Variants in CRACDL observed in about 807,000 individuals in gnomAD.
CRACDL encodes CRACD like, also known as CRACD-like protein.
In CRACDL, 26 loss-of-function variants were observed where a neutral mutation model predicts 70.6. That is an observed-to-expected ratio of 0.37 (90% CI 0.27 to 0.51). The LOEUF is 0.51. Among genes scored for constraint, CRACDL ranks in the 20% least tolerant of loss-of-function variants. The pLI is 0.94. For missense variants in CRACDL, 1,283 were observed against 1,376.9 expected (o/e 0.93, Z 1.08); for synonymous variants, 618 against 615.2 (o/e 1.00, Z -0.07).
In CRACDL at chr2:98,861,434, C is replaced by T. The variant is rs149916487; in HGVS notation, c.-10-14624G>A. On this transcript the variant is annotated intron_variant, in intron 1 of 9. Transcript: ENST00000397899. Reference sequence around the variant, plus strand: ...AATAAAAGAGATAGATAATAACAAGCGTTGCAAGGATGTGAGGAAACTGGA... The same window carrying T: ...AATAAAAGAGATAGATAATAACAAGTGTTGCAAGGATGTGAGGAAACTGGA... 2.8e-3 allele frequency among the ~76,000 whole-genome samples: 428 copies of T among 152,200 alleles called. 3 individuals are homozygous for T. The highest frequency in any genetic ancestry group is 1.0e-2 in the African/African-American group (415 of 41,532).
At chr2:98,923,266 G>A (rs1469513224) in intron 1 of CRACDL, among the ~76,000 whole-genome samples, 2 of 141,448 alleles carry the variant, frequency 1.4e-5, no homozygotes, top group Non-Finnish European at 3.0e-5. Context: ...GTGAGACACT[G>A]TCTCAAAAAA....
chr2:98,922,533 C>T (rs1440129167), intron 1 of CRACDL, among the ~76,000 whole-genome samples: 1 of 152,234 alleles, frequency 6.6e-6, no homozygotes, highest in Non-Finnish European at 1.5e-5. Flanking sequence ...TGGCACTGTG[C>T]CCCCTGTGCC....
intron 7 of CRACDL, among the ~76,000 whole-genome samples, chr2:98,819,341 C>G (rs762486638): frequency 1.3e-4 from 20 of 152,184 alleles, no homozygotes; most frequent in African/African-American, 4.8e-5. Flanking sequence ...ATTTTCAATT[C>G]TAGGCCATGA....
At chr2:98,829,286 A>G (rs1372373357) in intron 5 of CRACDL, among the ~76,000 whole-genome samples, 2 of 152,244 alleles carry the variant, frequency 1.3e-5, no homozygotes, top group Non-Finnish European at 2.9e-5. Flanking sequence ...GGACCTTGGC[A>G]TGGAGCTTAA....
intron 6 of CRACDL, among the ~76,000 whole-genome samples, chr2:98,824,449 C>T (rs566002289): frequency 1.3e-5 from 2 of 152,300 alleles, no homozygotes; most frequent in African/African-American, 2.4e-5. Context: ...TTCTGAAAGA[C>T]CTCTAGAATT....
At chr2:98,924,702 C>G (rs952063511) in intron 1 of CRACDL, among the ~76,000 whole-genome samples, 2 of 152,176 alleles carry the variant, frequency 1.3e-5, no homozygotes, top group South Asian at 2.1e-4. Flanking sequence ...AGGCATGGCC[C>G]ACCTCCTTCC....
chr2:98,794,779 T>C (rs561218221), intron 9 of CRACDL, 108 bp from the exon 10 acceptor site: 1 of 857,060 alleles, frequency 1.2e-6, no homozygotes, highest in Admixed American at 2.6e-5. Context: ...AACTGTGTTC[T>C]CGAACATAAA....
intron 1 of CRACDL, among the ~76,000 whole-genome samples, chr2:98,922,620 G>A (rs1708830828): frequency 1.3e-5 from 2 of 152,164 alleles, no homozygotes; most frequent in Non-Finnish European, 2.9e-5. Context: ...ACCAGCTCAA[G>A]CACAAGCTGC....
rs188567763 is a variant in CRACDL, at chr2:98,811,628, C to T, written c.2416+10229G>A. 6.6e-5 allele frequency among the ~76,000 whole-genome samples: 10 copies of T among 152,062 alleles called. No individual in the cohort carries two copies. In the East Asian group the frequency reaches 1.9e-3, roughly 29 times the overall value. ...AACACGTTTAGCTTCTTATAACAACCGTCACAAACAGGATACAGAATATCA... is the reference window on the plus strand; with the variant it reads ...AACACGTTTAGCTTCTTATAACAACTGTCACAAACAGGATACAGAATATCA... On this transcript the variant is annotated intron_variant, in intron 7 of 9. Coordinates refer to ENST00000397899, the MANE Select transcript of CRACDL (RefSeq NM_207362.3).
chr2:98,795,078 T>TATATATA (rs1461039601), intron 9 of CRACDL, among the ~76,000 whole-genome samples: 3 of 18,266 alleles, frequency 1.6e-4, no homozygotes, highest in African/African-American at 2.3e-4. Context: ...TATATATATA[T>TATATATA]TTTTTTTTTT....
intron 7 of CRACDL, among the ~76,000 whole-genome samples, chr2:98,803,529 T>C (rs1704168951): frequency 2.0e-5 from 3 of 152,190 alleles, no homozygotes; most frequent in Admixed American, 6.5e-5. Context: ...ATTTAGAAAG[T>C]AGATAAAAGT....
chr2:98,797,605 C>T (rs1703883934), intron 7 of CRACDL, 68 bp from the exon 8 acceptor site: 2 of 1,464,050 alleles, frequency 1.4e-6, no homozygotes, highest in Admixed American at 3.4e-5. Context: ...CTTTGTGTCT[C>T]CTGCACAGAG....
intron 7 of CRACDL, among the ~76,000 whole-genome samples, chr2:98,820,372 A>G (rs1015813068): frequency 6.6e-6 from 1 of 151,934 alleles, no homozygotes. Flanking sequence ...TCTACCAAAA[A>G]TATAAAAAAA....
intron 2 of CRACDL, among the ~76,000 whole-genome samples, chr2:98,846,422 T>A (rs1431238917): frequency 6.6e-6 from 1 of 152,154 alleles, no homozygotes; most frequent in African/African-American, 2.4e-5. Flanking sequence ...AATGAATCCA[T>A]TTAGTACCTC....
intron 1 of CRACDL, among the ~76,000 whole-genome samples, chr2:98,898,673 C>T (rs1348695506): frequency 6.6e-6 from 1 of 152,262 alleles, no homozygotes; most frequent in African/African-American, 2.4e-5. Context: ...ATGCCCTGAG[C>T]GTCTTTCTGA....
chr2:98,906,703 CCTTTT>C (rs930390002), intron 1 of CRACDL, among the ~76,000 whole-genome samples: 1 of 152,154 alleles, frequency 6.6e-6, no homozygotes, highest in African/African-American at 2.4e-5. Context: ...TATTTATCGA[CCTTTT>C]CTCTTTGTTA....
At chr2:98,831,671 A>G (rs1262465021) in intron 5 of CRACDL, among the ~76,000 whole-genome samples, 1 of 152,228 alleles carries the variant, frequency 6.6e-6, no homozygotes, top group Non-Finnish European at 1.5e-5. Context: ...CCACAATAAC[A>G]TAAAGAATTT....
At chr2:98,897,094 C>T (rs987831758) in intron 1 of CRACDL, among the ~76,000 whole-genome samples, 1 of 152,106 alleles carries the variant, frequency 6.6e-6, no homozygotes. Flanking sequence ...CCCTAAAATC[C>T]TCCCCCATGC....
At chr2:98,797,586 G>C in intron 7 of CRACDL, 49 bp from the exon 8 acceptor site, 2 of 1,568,316 alleles carry the variant, frequency 1.3e-6, no homozygotes, top group Non-Finnish European at 1.7e-6. Context: ...TTCCCTCTTC[G>C]GTTGCACCCT....
Sources: gnomAD v4.1 joint callset for allele counts (sites outside exome capture counted in the v4.1 genomes callset) on GRCh38, gnomAD v4.1.1 for gene constraint, MANE v1.5 for transcripts, NCBI Gene and HGNC (gene_info 2026-07-23, HGNC 2026-07-21) for gene names.